Variants in PPIL2 observed in about 807,000 individuals in gnomAD.
PPIL2 encodes RING-type E3 ubiquitin-protein ligase PPIL2.
Under a neutral mutation model 75.2 loss-of-function variants are expected in PPIL2, and 50 were observed. The ratio of observed to expected loss-of-function variants is 0.66; its 90% confidence interval spans 0.53 to 0.84. The LOEUF (loss-of-function observed/expected upper bound fraction) is 0.84. Ranked by LOEUF, PPIL2 falls within the 40% of genes least tolerant of loss-of-function variation. PPIL2 has a pLI of 0.00. For missense variants in PPIL2, 590 were observed against 685.0 expected (o/e 0.86, Z 1.55); for synonymous variants, 245 against 258.8 (o/e 0.95, Z 0.51).
chr22:21,696,920 C>T lies in PPIL2; in HGVS notation c.*1430C>T, dbSNP rs1001040441. On this transcript the variant is annotated 3_prime_UTR_variant, in exon 20 of 20. Coordinates refer to ENST00000398831, the MANE Select transcript of PPIL2 (RefSeq NM_014337.4). ...GACCACTAGAGGTATGTCTGCCCCT[C>T]GTCACCCTGCTGCACACCAATCTGT... 8.8e-6 allele frequency: 14 copies of T among 1,590,056 alleles called. No homozygotes were observed. Among genetic ancestry groups the T allele is most frequent in the South Asian group, 3.5e-5 (3 of 86,664 alleles).
At chr22:21,672,175 T>C (rs1160809027) in intron 4 of PPIL2, among the ~76,000 whole-genome samples, 155 bp from the exon 5 acceptor site, 1 of 152,122 alleles carries the variant, frequency 6.6e-6, no homozygotes, top group Non-Finnish European at 1.5e-5. Flanking sequence ...ATCCCCCAAC[T>C]TCCTGAGACA....
intron 6 of PPIL2, among the ~76,000 whole-genome samples, chr22:21,679,461 G>A (rs764565683): frequency 2.0e-5 from 3 of 151,586 alleles, no homozygotes; most frequent in Non-Finnish European, 2.9e-5. Flanking sequence ...AAATTAGCCA[G>A]TGTGGTTGAG....
At position 21,688,734 on chromosome 22, in the gene PPIL2, G is replaced by A. The variant is rs773498010; in HGVS notation, c.1024G>A (p.Gly342Arg). 4 of 1,613,890 alleles carry A rather than the reference G, an allele frequency of 2.5e-6. No homozygotes were observed. The Admixed American group carries it at 5.0e-5, about 20-fold the overall frequency. Residue 342 changes from glycine (G) to arginine (R), a missense_variant and splice_region_variant, in exon 15 of 20, where the codon GGG becomes AGG. Gly to Arg is a moderately radical substitution (Grantham distance 125, BLOSUM62 -2). Coordinates refer to ENST00000398831, the MANE Select transcript of PPIL2 (RefSeq NM_014337.4). ...GGDPTGTGTG[G>R]ESYWGKPFKD... Reference sequence around the variant, plus strand: ...TCCCATGGGCCTTTCTCTTCCAGGTGGGGAGTCATACTGGGGGAAGCCCTT... The same window carrying A: ...TCCCATGGGCCTTTCTCTTCCAGGTAGGGAGTCATACTGGGGGAAGCCCTT...
At chr22:21,678,328 C>A (rs2148522771) in intron 6 of PPIL2, among the ~76,000 whole-genome samples, 1 of 152,190 alleles carries the variant, frequency 6.6e-6, no homozygotes, top group Non-Finnish European at 1.5e-5. Context: ...GCCTCCTGGG[C>A]TCAAGAGATC....
intron 6 of PPIL2, among the ~76,000 whole-genome samples, chr22:21,680,348 G>A (rs2067059005): frequency 1.3e-5 from 2 of 152,128 alleles, no homozygotes; most frequent in South Asian, 4.1e-4. Context: ...CCAAGGTGGT[G>A]AAACACTGTC....
chr22:21,692,040 G>A (rs1028210809), intron 15 of PPIL2, among the ~76,000 whole-genome samples: 52 of 148,740 alleles, frequency 3.5e-4, no homozygotes, highest in Non-Finnish European at 6.9e-4. Flanking sequence ...CGCCAGCGCC[G>A]GGACCCACCC....
In PPIL2 at chr22:21,686,578, T is replaced by C; in HGVS notation, c.790+20T>C. ...AAGCAGGTAGCCACCTTGGCCTCTG[T>C]AGCCACCTGCCATGTGACCCAAAAG... is the stretch of plus-strand genomic sequence containing the variant. On this transcript the variant is annotated intron_variant, in intron 11 of 19. Coordinates refer to ENST00000398831, the MANE Select transcript of PPIL2 (RefSeq NM_014337.4). The C allele has an allele frequency of 6.2e-7, 1 of 1,610,866 alleles. No homozygotes were observed. The highest frequency in any genetic ancestry group is 8.5e-7 in the Non-Finnish European group (1 of 1,177,184).
chr22:21,684,408 C>T (rs1189258685), intron 9 of PPIL2, among the ~76,000 whole-genome samples: 1 of 135,864 alleles, frequency 7.4e-6, no homozygotes, highest in East Asian at 2.1e-4. Flanking sequence ...GCCGAGATTG[C>T]ACCACTGCAC....
intron 1 of PPIL2, among the ~76,000 whole-genome samples, chr22:21,668,266 G>C (rs2066472173): frequency 6.6e-6 from 1 of 152,078 alleles, no homozygotes; most frequent in Non-Finnish European, 1.5e-5. Flanking sequence ...GATCAGCTGT[G>C]CCTTGTTATA....
intron 6 of PPIL2, among the ~76,000 whole-genome samples, chr22:21,675,534 C>T (rs564377467): frequency 9.1e-5 from 13 of 142,850 alleles, no homozygotes; most frequent in African/African-American, 3.1e-4. Flanking sequence ...GACTCTGTCT[C>T]AAAAAAAAAA....
chr22:21,681,428 G>C, intron 7 of PPIL2, 38 bp downstream of exon 7: 4 of 1,531,624 alleles, frequency 2.6e-6, no homozygotes, highest in Non-Finnish European at 3.6e-6. Flanking sequence ...CAGCGGTGGG[G>C]AGATCTCTGC....
At chr22:21,687,311 C>T (rs944257615) in intron 12 of PPIL2, among the ~76,000 whole-genome samples, 4 of 152,158 alleles carry the variant, frequency 2.6e-5, no homozygotes, top group Admixed American at 1.3e-4. Flanking sequence ...TGGGTCCATC[C>T]GTGCCCAGTG....
chr22:21,678,589 G>A (rs1038815580), intron 6 of PPIL2, among the ~76,000 whole-genome samples: 5 of 152,144 alleles, frequency 3.3e-5, no homozygotes, highest in Non-Finnish European at 7.4e-5. Flanking sequence ...GGTGTGATAC[G>A]CCTCCCCTGT....
At position 21,688,748 on chromosome 22, in the gene PPIL2, G is replaced by C; in HGVS notation, c.1038G>C (p.Trp346Cys). The change falls in exon 15 of 20, where the codon TGG becomes TGC. Residue 346 changes from tryptophan (W) to cysteine (C), a missense_variant. Transcript: ENST00000398831. ...CTCTTCCAGGTGGGGAGTCATACTG[G>C]GGGAAGCCCTTCAAAGACGAGTTCC... is the stretch of plus-strand genomic sequence containing the variant. ...TGTGTGGESY[W>C]GKPFKDEFRP... The C allele has an allele frequency of 6.2e-7, 1 of 1,614,206 alleles. No homozygotes were observed. The highest frequency in any genetic ancestry group is 8.5e-7 in the Non-Finnish European group (1 of 1,180,018).
At chr22:21,681,460 G>GTATACTA in intron 7 of PPIL2, 70 bp downstream of exon 7, 1 of 1,403,952 alleles carries the variant, frequency 7.1e-7, no homozygotes, top group Non-Finnish European at 1.0e-6. Flanking sequence ...AGTATACACT[G>GTATACTA]GCTGGGCTGT....
chr22:21,692,873 C>T (rs983875590), intron 15 of PPIL2, among the ~76,000 whole-genome samples: 1 of 151,112 alleles, frequency 6.6e-6, no homozygotes, highest in South Asian at 2.1e-4. Flanking sequence ...TTGCAGTGAA[C>T]CGACATCGCG....
At chr22:21,670,955 AG>A (rs143867306) in intron 3 of PPIL2, 41 bp from the exon 4 acceptor site, 303 of 1,538,100 alleles carry the variant, frequency 2.0e-4, no homozygotes, top group Non-Finnish European at 2.6e-4. Context: ...CATCCTGACC[AG>A]GGTGCGTGGC....
chr22:21,669,820 C>G (rs985105679), intron 1 of PPIL2, 93 bp from the exon 2 acceptor site: 2 of 1,318,842 alleles, frequency 1.5e-6, no homozygotes, highest in African/African-American at 2.9e-5. Flanking sequence ...ATTTAGTAAG[C>G]ATTTGCTGAG....
chr22:21,668,092 A>G (rs1433624231), intron 1 of PPIL2, among the ~76,000 whole-genome samples: 1 of 151,686 alleles, frequency 6.6e-6, no homozygotes, highest in Non-Finnish European at 1.5e-5. Context: ...TCTCGAATTT[A>G]ATATGCCTTA....
Sources: gnomAD v4.1 joint callset for allele counts (sites outside exome capture counted in the v4.1 genomes callset) on GRCh38, gnomAD v4.1.1 for gene constraint, MANE v1.5 for transcripts, NCBI Gene and HGNC (gene_info 2026-07-23, HGNC 2026-07-21) for gene names.